The following GALNT2 variants were observed in gnomAD, a reference collection of about 807,000 sequenced individuals.
GALNT2 encodes the protein polypeptide N-acetylgalactosaminyltransferase 2, also known as UDP-GalNAc:polypeptide N-acetylgalactosaminyltransferase 2.
GALNT2 carries 31 observed loss-of-function variants against 81.4 expected under a neutral mutation model. That is an observed-to-expected ratio of 0.38 (90% confidence interval 0.29 to 0.51). The LOEUF is 0.51. Among genes scored for constraint, GALNT2 ranks in the 20% least tolerant of loss-of-function variants. The pLI, the probability that GALNT2 is intolerant of heterozygous loss-of-function variation, is 0.87. For missense variants in GALNT2, 629 were observed against 765.7 expected (o/e 0.82, Z 2.11); for synonymous variants, 303 against 287.4 (o/e 1.05, Z -0.55).
chr1:230,058,559 A>G (rs1658973152), intron 1 of GALNT2, among the ~76,000 whole-genome samples: 1 of 152,204 alleles, frequency 6.6e-6, no homozygotes, highest in African/African-American at 2.4e-5. Context: ...ACTTAACAGC[A>G]CCCTGCTATA....
chr1:230,250,061 G>A (rs1001082028), intron 9 of GALNT2, among the ~76,000 whole-genome samples: 12 of 152,170 alleles, frequency 7.9e-5, no homozygotes, highest in East Asian at 1.9e-4. Flanking sequence ...TTTCCTAAGC[G>A]TGCTCAGGGC....
At chr1:230,263,314 T>A in intron 13 of GALNT2, 1 of 351,222 alleles carries the variant, frequency 2.8e-6, no homozygotes, top group Non-Finnish European at 5.4e-6. Context: ...CCTGAAGGAC[T>A]GGTGTCTGAC....
At chr1:230,059,470 C>G (rs1267058810) in intron 1 of GALNT2, among the ~76,000 whole-genome samples, 1 of 152,158 alleles carries the variant, frequency 6.6e-6, no homozygotes. Context: ...TTGAAAGTGT[C>G]TGTGGAGATG....
chr1:230,187,229 C>T (rs1663364406), intron 2 of GALNT2, among the ~76,000 whole-genome samples: 2 of 152,240 alleles, frequency 1.3e-5, no homozygotes, highest in South Asian at 4.1e-4. Flanking sequence ...TCTGATCGCA[C>T]ACTCTATGAA....
chr1:230,279,613 A>T lies in GALNT2; in HGVS notation c.*155A>T, dbSNP rs1333708984. On this transcript the variant is annotated 3_prime_UTR_variant, in exon 16 of 16. Coordinates refer to ENST00000366672, the MANE Select transcript of GALNT2 (RefSeq NM_004481.5). This position sits in a 1 kb window ranked among gnomAD's most constrained non-coding sequence, Gnocchi z 4.6. ...GTCAAACTTCGGCAAGGCACGGACG[A>T]CTGTGCAGACACAGCAGCGGCAAGA... is the stretch of plus-strand genomic sequence containing the variant. 5.5e-6 allele frequency: 5 copies of T among 915,494 alleles called. No individual in the cohort carries two copies. Among genetic ancestry groups the T allele is most frequent in the Non-Finnish European group, 8.1e-6 (5 of 619,962 alleles). The allele number at this position is 915,494 out of a possible 1,614,324, so 56.7% of individuals were successfully genotyped here. A position where few individuals can be genotyped will look rare whatever the true frequency, so the allele number is the denominator to read the frequency against.
chr1:230,072,819 G>C (rs1195974863), intron 1 of GALNT2, among the ~76,000 whole-genome samples: 3 of 152,204 alleles, frequency 2.0e-5, no homozygotes, highest in African/African-American at 7.2e-5. Flanking sequence ...GTTGAATCCT[G>C]ACACTTGAGG....
chr1:230,178,863 C>T (rs1009823597), intron 2 of GALNT2, among the ~76,000 whole-genome samples: 2 of 152,126 alleles, frequency 1.3e-5, no homozygotes, highest in African/African-American at 4.8e-5. Context: ...CGTTTAGCCG[C>T]CATTGTAGTA....
chr1:230,111,735 C>A (rs1660710092), intron 1 of GALNT2, among the ~76,000 whole-genome samples: 1 of 152,142 alleles, frequency 6.6e-6, no homozygotes, highest in African/African-American at 2.4e-5. Flanking sequence ...AACACTGGTT[C>A]ACTCGGGAAA....
At position 230,275,171 on chromosome 1, in the gene GALNT2, T is replaced by TACAC. The variant is rs1666261570; in HGVS notation, c.1560+607_1560+608insACAC. 6.6e-6 allele frequency among the ~76,000 whole-genome samples: 1 copy of TACAC among 151,094 alleles called. No homozygotes were observed. The highest frequency in any genetic ancestry group is 2.4e-5 in the African/African-American group (1 of 41,050). On this transcript the variant is annotated intron_variant, in intron 15 of 15. Coordinates refer to ENST00000366672, the MANE Select transcript of GALNT2 (RefSeq NM_004481.5). The surrounding 1 kb of genome is among the most constrained non-coding windows in gnomAD (Gnocchi z 5.5). ...TATACACACCACATATACATATACCTGCCACATATATACATATATAAACAC... is the reference window on the plus strand; with the variant it reads ...TATACACACCACATATACATATACCTACACGCCACATATATACATATATAAACAC...
intron 1 of GALNT2, among the ~76,000 whole-genome samples, chr1:230,165,049 G>A (rs1243398870): frequency 1.3e-5 from 2 of 152,194 alleles, no homozygotes; most frequent in African/African-American, 2.4e-5. Flanking sequence ...GCATAAGGTC[G>A]AAGTTCCAAC....
At chr1:230,244,196 A>G (rs1665295344) in intron 7 of GALNT2, among the ~76,000 whole-genome samples, 1 of 152,024 alleles carries the variant, frequency 6.6e-6, no homozygotes, top group Non-Finnish European at 1.5e-5. Flanking sequence ...GTCATGGAAT[A>G]CTAAGTAACC....
At chr1:230,192,147 T>A (rs1236309816) in intron 2 of GALNT2, among the ~76,000 whole-genome samples, 1 of 152,216 alleles carries the variant, frequency 6.6e-6, no homozygotes, top group Non-Finnish European at 1.5e-5. Flanking sequence ...GCAGGGTTGC[T>A]TTTTGGTGTT....
At chr1:230,086,967 T>C (rs1248794825) in intron 1 of GALNT2, among the ~76,000 whole-genome samples, 1 of 152,220 alleles carries the variant, frequency 6.6e-6, no homozygotes, top group Admixed American at 6.5e-5. Flanking sequence ...CAGGGTTTAC[T>C]GCATGAAGCT....
intron 15 of GALNT2, 113 bp downstream of exon 15, chr1:230,274,677 T>C: frequency 7.7e-7 from 1 of 1,297,388 alleles, no homozygotes; most frequent in Non-Finnish European, 1.0e-6. Context: ...TGCGTGTACT[T>C]ATGTGTTCTT....
intron 1 of GALNT2, among the ~76,000 whole-genome samples, chr1:230,168,758 A>G (rs551903285): frequency 1.3e-5 from 2 of 152,348 alleles, no homozygotes; most frequent in East Asian, 1.9e-4. Context: ...AAGTTCCTAT[A>G]TATATCATAC....
chr1:230,273,643 A>G (rs1572163937), intron 14 of GALNT2, among the ~76,000 whole-genome samples: 1 of 152,082 alleles, frequency 6.6e-6, no homozygotes, highest in African/African-American at 2.4e-5. Context: ...TTGTCCTCTC[A>G]CCCTGTCACA....
intron 1 of GALNT2, among the ~76,000 whole-genome samples, chr1:230,103,287 T>C (rs775425623): frequency 2.0e-5 from 3 of 152,248 alleles, no homozygotes; most frequent in Admixed American, 6.5e-5. Flanking sequence ...AGTTTGCACA[T>C]CATGAGACCT....
At chr1:230,154,749 C>G (rs537925386) in intron 1 of GALNT2, among the ~76,000 whole-genome samples, 1 of 152,128 alleles carries the variant, frequency 6.6e-6, no homozygotes, top group Non-Finnish European at 1.5e-5. Flanking sequence ...CCATGGCCCT[C>G]GGAAGGAACA....
intron 1 of GALNT2, among the ~76,000 whole-genome samples, chr1:230,069,266 T>TTTTTG (rs956477390): frequency 1.4e-3 from 203 of 148,816 alleles, no homozygotes; most frequent in East Asian, 4.3e-3. Flanking sequence ...AGTTTGTTTT[T>TTTTTG]TTTTGTTTTG....
Sources: allele counts gnomAD v4.1 joint callset (sites outside exome capture counted in the v4.1 genomes callset), GRCh38; gene constraint gnomAD v4.1.1; non-coding constraint Gnocchi (gnomAD v3.1); transcripts MANE v1.5; gene names NCBI Gene and HGNC (gene_info 2026-07-23, HGNC 2026-07-21).